LMO1: variants seen among roughly 807,000 people sequenced by gnomAD.
LMO1 encodes the protein rhombotin-1.
LMO1 carries 10 observed loss-of-function variants against 18.0 expected under a neutral mutation model. The ratio of observed to expected loss-of-function variants is 0.55; its 90% confidence interval spans 0.34 to 0.94. The LOEUF is 0.94. Among genes scored for constraint, LMO1 ranks in the 40% least tolerant of loss-of-function variants. LMO1 has a pLI of 0.02. For missense variants in LMO1, 183 were observed against 205.7 expected, an observed-to-expected ratio of 0.89 and a Z score of 0.68; for synonymous variants, 77 against 77.9, an observed-to-expected ratio of 0.99 and a Z score of 0.06.
intron 1 of LMO1, among the ~76,000 whole-genome samples, chr11:8,247,872 G>A (rs1284301817): frequency 6.6e-6 from 1 of 152,228 alleles, no homozygotes; most frequent in Non-Finnish European, 1.5e-5. Context: ...GGTAAGGGGT[G>A]GCAGGAGTAC....
chr11:8,264,063 A>C (rs905138104), upstream of LMO1, among the ~76,000 whole-genome samples: 1 of 151,756 alleles, frequency 6.6e-6, no homozygotes, highest in Non-Finnish European at 1.5e-5. Flanking sequence ...GATTGTCTGG[A>C]GGACGCATCC....
intron 1 of LMO1, among the ~76,000 whole-genome samples, chr11:8,246,322 A>C (rs1452659551): frequency 6.6e-6 from 1 of 152,220 alleles, no homozygotes; most frequent in African/African-American, 2.4e-5. Context: ...GAATAAATAA[A>C]ACATGGTATA....
intron 1 of LMO1, among the ~76,000 whole-genome samples, chr11:8,260,054 C>T (rs1197021299): frequency 6.6e-6 from 1 of 152,162 alleles, no homozygotes; most frequent in African/African-American, 2.4e-5. Flanking sequence ...CCTGTGTGCA[C>T]CTGAGAGCAT....
At chr11:8,235,533 G>C (rs971022808) in intron 1 of LMO1, among the ~76,000 whole-genome samples, 1 of 152,160 alleles carries the variant, frequency 6.6e-6, no homozygotes, top group Non-Finnish European at 1.5e-5. Context: ...ACCTCATTCA[G>C]ATTTTACCAA....
At chr11:8,247,286 G>T (rs940024842) in intron 1 of LMO1, among the ~76,000 whole-genome samples, 11 of 152,188 alleles carry the variant, frequency 7.2e-5, no homozygotes, top group Admixed American at 4.6e-4. Flanking sequence ...GGCAGGGTTG[G>T]GTAAGGGATG....
intron 1 of LMO1, among the ~76,000 whole-genome samples, chr11:8,243,941 G>C (rs1266099994): frequency 6.6e-6 from 1 of 152,152 alleles, no homozygotes; most frequent in African/African-American, 2.4e-5. Context: ...CCCATCTCTG[G>C]GTGGGGAAGC....
chr11:8,237,480 T>TAG (rs1306488042), intron 1 of LMO1, among the ~76,000 whole-genome samples: 8 of 152,360 alleles, frequency 5.3e-5, no homozygotes, highest in African/African-American at 1.9e-4. Context: ...TTCCAGGGCC[T>TAG]TGCCATGCAG....
intron 1 of LMO1, among the ~76,000 whole-genome samples, chr11:8,241,500 G>T (rs191872855): frequency 1.3e-5 from 2 of 152,102 alleles, no homozygotes; most frequent in Admixed American, 1.3e-4. Flanking sequence ...CATGTGGTCT[G>T]GTGTCTGCCT....
intron 3 of LMO1, among the ~76,000 whole-genome samples, chr11:8,225,906 G>A (rs1354562652): frequency 1.3e-5 from 2 of 152,212 alleles, no homozygotes; most frequent in African/African-American, 2.4e-5. Context: ...TGAGAAGAGC[G>A]CCTGCCTTCT....
At chr11:8,238,228 T>TAA (rs1203877346) in intron 1 of LMO1, among the ~76,000 whole-genome samples, 1 of 152,098 alleles carries the variant, frequency 6.6e-6, no homozygotes, top group Non-Finnish European at 1.5e-5. Context: ...ATGTAGCAAT[T>TAA]AAAAAGAATG....
At chr11:8,257,199 T>G (rs1318005420) in intron 1 of LMO1, among the ~76,000 whole-genome samples, 1 of 152,158 alleles carries the variant, frequency 6.6e-6, no homozygotes, top group Non-Finnish European at 1.5e-5. Context: ...ACTCCACTGG[T>G]GTAGTCCAAT....
upstream of LMO1, among the ~76,000 whole-genome samples, chr11:8,266,149 G>A (rs963094132): frequency 2.0e-5 from 3 of 152,184 alleles, no homozygotes; most frequent in African/African-American, 7.2e-5. Context: ...GTGCCCACAG[G>A]TGGCTCTTTC....
intron 2 of LMO1, among the ~76,000 whole-genome samples, chr11:8,229,906 A>T (rs1259752864): frequency 6.6e-6 from 1 of 152,190 alleles, no homozygotes; most frequent in Non-Finnish European, 1.5e-5. Context: ...GTCCTGGGGA[A>T]GTCAAAGCTT....
chr11:8,224,353 G>A lies in LMO1; in HGVS notation c.*263C>T, dbSNP rs1952493185. The A allele has an allele frequency of 4.2e-6, 2 of 477,750 alleles. No individual in the cohort carries two copies. Among genetic ancestry groups the A allele is most frequent in the Non-Finnish European group, 7.5e-6 (2 of 265,304 alleles). The allele number at this position is 477,750 out of a possible 1,614,324, so 29.6% of individuals were successfully genotyped here. On this transcript the variant is annotated 3_prime_UTR_variant, in exon 4 of 4. Transcript: ENST00000335790. ...TTTAATCCACGCCAGTAATAAAATC[G>A]CATTACATTTCTCATAAAATAAATG... is the stretch of plus-strand genomic sequence containing the variant.
chr11:8,263,146 C>T (rs972805150), intron 1 of LMO1, among the ~76,000 whole-genome samples, 192 bp downstream of exon 1: 1 of 151,502 alleles, frequency 6.6e-6, no homozygotes, highest in Non-Finnish European at 1.5e-5. Context: ...TCGACCTCCT[C>T]CCCCCGCAAG....
At chr11:8,264,923 G>A (rs1467296062), upstream of LMO1, among the ~76,000 whole-genome samples, 2 of 152,116 alleles carry the variant, frequency 1.3e-5, no homozygotes, top group South Asian at 2.1e-4. Context: ...GAGCTGCTGC[G>A]CCTGGCCGGA....
chr11:8,244,314 A>T (rs540535666), intron 1 of LMO1, among the ~76,000 whole-genome samples: 1 of 152,344 alleles, frequency 6.6e-6, no homozygotes, highest in South Asian at 2.1e-4. Flanking sequence ...TCTTAGTTAC[A>T]GCATAAACTG....
chr11:8,241,096 C>CAA (rs1031158658), intron 1 of LMO1, among the ~76,000 whole-genome samples: 3 of 152,156 alleles, frequency 2.0e-5, no homozygotes, highest in African/African-American at 7.2e-5. Context: ...AGACATAGCT[C>CAA]AAAAACAACA....
intron 1 of LMO1, among the ~76,000 whole-genome samples, chr11:8,246,118 A>T (rs1257836415): frequency 6.6e-6 from 1 of 152,188 alleles, no homozygotes; most frequent in Non-Finnish European, 1.5e-5. Flanking sequence ...CAACACTGGG[A>T]ATCTCATTTC....
Sources: gnomAD v4.1 joint callset for allele counts (sites outside exome capture counted in the v4.1 genomes callset) on GRCh38, gnomAD v4.1.1 for gene constraint, MANE v1.5 for transcripts, NCBI Gene and HGNC (gene_info 2026-07-23, HGNC 2026-07-21) for gene names.